The following VANGL1 variants were observed in gnomAD, a reference collection of about 807,000 sequenced individuals.
The protein encoded by VANGL1 is VANGL planar cell polarity protein 1.
A neutral mutation model predicts 48.4 loss-of-function variants in VANGL1; 18 were observed. The observed-to-expected ratio is 0.37, with a 90% CI of 0.26 to 0.55. The LOEUF is 0.55. Ranked by LOEUF, VANGL1 falls within the 20% of genes least tolerant of loss-of-function variation. VANGL1 has a pLI of 0.81. For missense variants in VANGL1, 667 were observed against 675.8 expected, an observed-to-expected ratio of 0.99 and a Z score of 0.14; for synonymous variants, 257 against 261.8, an observed-to-expected ratio of 0.98 and a Z score of 0.18.
At chr1:115,666,460 C>G (rs71666760) in intron 4 of VANGL1, among the ~76,000 whole-genome samples, 1 of 152,224 alleles carries the variant, frequency 6.6e-6, no homozygotes, top group Non-Finnish European at 1.5e-5. Context: ...CCACACAGCT[C>G]TGCTGGTCAG....
chr1:115,667,127 T>C (rs1557768849), intron 4 of VANGL1, among the ~76,000 whole-genome samples: 1 of 152,252 alleles, frequency 6.6e-6, no homozygotes, highest in African/African-American at 2.4e-5. Context: ...TCTCCCTTTA[T>C]GTAAAGCCTT....
intron 4 of VANGL1, among the ~76,000 whole-genome samples, chr1:115,681,790 A>C (rs572464592): frequency 3.3e-5 from 5 of 152,268 alleles, no homozygotes; most frequent in African/African-American, 1.2e-4. Context: ...TACAGGCGTG[A>C]GCCACCGCGC....
chr1:115,658,612 A>G (rs1416456748), intron 2 of VANGL1, among the ~76,000 whole-genome samples: 1 of 152,196 alleles, frequency 6.6e-6, no homozygotes, highest in Non-Finnish European at 1.5e-5. Context: ...GACCTTGGGA[A>G]TGACGGCAAG....
In VANGL1 at chr1:115,693,932, T is replaced by A. The variant is rs1653941211; in HGVS notation, c.*2553T>A. The A allele has an allele frequency of 6.6e-6, 1 of 152,238 alleles. No individual in the cohort carries two copies. The highest frequency in any genetic ancestry group is 1.5e-5 in the Non-Finnish European group (1 of 68,040). 9.4% of individuals were successfully genotyped at this position (152,238 alleles called of 1,614,324 possible). On this transcript the variant is annotated 3_prime_UTR_variant, in exon 8 of 8. Coordinates refer to ENST00000355485, the MANE Select transcript of VANGL1 (RefSeq NM_138959.3). The stretch of plus-strand genomic sequence containing the variant: ...CAGGATTTCATTTGCCTTATATGTT[T>A]ATAGATTTTTTATAATTTTCATCCT...
rs1653429688 is a variant in VANGL1, at chr1:115,682,457, A to G, written c.906A>G (p.Ala302=). 1 of 1,614,226 alleles carries G rather than the reference A, an allele frequency of 6.2e-7. No individual in the cohort carries two copies. Among genetic ancestry groups the G allele is most frequent in the South Asian group, 1.1e-5 (1 of 91,082 alleles). ...PNLLTASKFR[A]AKHMAGLKVY... is the part of the protein sequence containing the mutation. ...TCCTAACAGCCTCCAAATTCCGAGCAGCCAAGCATATGGCCGGGCTGAAAG... is the reference window on the plus strand; with the variant it reads ...TCCTAACAGCCTCCAAATTCCGAGCGGCCAAGCATATGGCCGGGCTGAAAG... Residue 302 remains alanine, a synonymous_variant, in exon 5 of 8, where the codon GCA becomes GCG. Coordinates refer to ENST00000355485, the MANE Select transcript of VANGL1 (RefSeq NM_138959.3).
chr1:115,685,466 A>G lies in VANGL1; in HGVS notation c.1253A>G (p.His418Arg). 1 of 1,614,152 alleles carries G rather than the reference A, an allele frequency of 6.2e-7. No homozygotes were observed. The highest frequency in any genetic ancestry group is 8.5e-7 in the Non-Finnish European group (1 of 1,180,014). ...YLRITRQQNY[H>R]SMESILQHLA... Reference sequence around the variant, plus strand: ...CGCATCACCCGGCAGCAGAACTACCACAGCATGGAGAGCATCCTGCAGCAC... The same window carrying G: ...CGCATCACCCGGCAGCAGAACTACCGCAGCATGGAGAGCATCCTGCAGCAC... Residue 418 changes from histidine (H) to arginine (R), a missense_variant, in exon 7 of 8, where the codon CAC (histidine) becomes CGC (arginine). Coordinates refer to ENST00000355485, the MANE Select transcript of VANGL1 (RefSeq NM_138959.3).
At chr1:115,689,342 G>T (rs1653750283) in intron 7 of VANGL1, among the ~76,000 whole-genome samples, 1 of 136,476 alleles carries the variant, frequency 7.3e-6, no homozygotes. Flanking sequence ...GAATAAAAGA[G>T]GATACCGGGC....
In VANGL1 at chr1:115,686,930, G is replaced by T. The variant is rs748047221; in HGVS notation, c.1314+1403G>T. 9.0e-4 allele frequency among the ~76,000 whole-genome samples: 77 copies of T among 85,612 alleles called. 19 individuals are homozygous for T. The highest frequency in any genetic ancestry group is 1.8e-3 in the Non-Finnish European group (72 of 39,758). 56.2% of individuals were successfully genotyped at this position (85,612 alleles called of 152,430 possible). ...GTTGTGTAAGAATTACATTGAATAT[G>T]GCAACAAGGCATGTAAATCGCATGG... On this transcript the variant is annotated intron_variant, in intron 7 of 7. Transcript: ENST00000355485.
At chr1:115,681,368 A>AG (rs5777242) in intron 4 of VANGL1, among the ~76,000 whole-genome samples, 98,236 of 151,872 alleles carry the variant, frequency 0.65, 32,080 homozygotes, top group South Asian at 0.75. Context: ...AGCAGGGGAT[A>AG]GTTGGAGACC....
At chr1:115,650,213 GT>G (rs1652089964) in intron 1 of VANGL1, among the ~76,000 whole-genome samples, 1 of 152,112 alleles carries the variant, frequency 6.6e-6, no homozygotes, top group African/African-American at 2.4e-5. Flanking sequence ...CAGCTCCTTT[GT>G]TTTTTCTTCA....
chr1:115,651,221 C>A, intron 1 of VANGL1, 56 bp from the exon 2 acceptor site: 1 of 592,470 alleles, frequency 1.7e-6, no homozygotes, highest in Non-Finnish European at 3.0e-6. Context: ...TATCTTTCAG[C>A]CCCATTAAGG....
intron 2 of VANGL1, among the ~76,000 whole-genome samples, chr1:115,654,010 G>T (rs997229275): frequency 6.6e-6 from 1 of 152,164 alleles, no homozygotes; most frequent in Non-Finnish European, 1.5e-5. Context: ...AGCACGGGCT[G>T]TGGTGTACTT....
At chr1:115,675,469 T>C (rs1354455126) in intron 4 of VANGL1, among the ~76,000 whole-genome samples, 1 of 151,826 alleles carries the variant, frequency 6.6e-6, no homozygotes, top group Non-Finnish European at 1.5e-5. Context: ...ACCGCTGCAC[T>C]CCATCCTGGA....
At chr1:115,642,410 C>G (rs1283669236) in intron 1 of VANGL1, among the ~76,000 whole-genome samples, 1 of 152,084 alleles carries the variant, frequency 6.6e-6, no homozygotes, top group Non-Finnish European at 1.5e-5. Context: ...GTCCCTTTCT[C>G]CCCGGGCTGG....
intron 4 of VANGL1, among the ~76,000 whole-genome samples, chr1:115,677,228 T>G (rs573892365): frequency 6.6e-6 from 1 of 152,376 alleles, no homozygotes; most frequent in South Asian, 2.1e-4. Context: ...TTGAGGTGCT[T>G]CTTTCCAGGT....
At position 115,651,312 on chromosome 1, in the gene VANGL1, T is replaced by C. The variant is rs1652133090; in HGVS notation, c.-102T>C. 3.0e-6 allele frequency: 3 copies of C among 991,684 alleles called. No homozygotes were observed. In the Admixed American group the frequency reaches 5.9e-5, roughly 19 times the overall value. 61.4% of individuals were successfully genotyped at this position (991,684 alleles called of 1,614,324 possible). ...TGTTGAAGAGTGGCTCCTCTTCTAA[T>C]TTCCAGACTCCTTGAGGTTTTAGGA... On this transcript the variant is annotated 5_prime_UTR_variant, in exon 2 of 8. Transcript: ENST00000355485.
intron 3 of VANGL1, among the ~76,000 whole-genome samples, chr1:115,660,415 C>G (rs1358198997): frequency 2.0e-5 from 3 of 152,170 alleles, no homozygotes; most frequent in Admixed American, 1.3e-4. Flanking sequence ...CTCAGGAATG[C>G]AGGGATTCAT....
At chr1:115,671,639 T>C (rs1164762616) in intron 4 of VANGL1, among the ~76,000 whole-genome samples, 3 of 152,164 alleles carry the variant, frequency 2.0e-5, no homozygotes, top group African/African-American at 4.8e-5. Context: ...TCACTGTAAT[T>C]TAAGACGTGG....
At chr1:115,684,219 A>G (rs1202722701) in intron 6 of VANGL1, 143 bp downstream of exon 6, 1 of 884,116 alleles carries the variant, frequency 1.1e-6, no homozygotes, top group African/African-American at 1.8e-5. Context: ...GCTCACTGTC[A>G]CCTCTGCCTC....
Sources: allele counts gnomAD v4.1 joint callset (sites outside exome capture counted in the v4.1 genomes callset), GRCh38; gene constraint gnomAD v4.1.1; transcripts MANE v1.5; gene names NCBI Gene and HGNC (gene_info 2026-07-23, HGNC 2026-07-21).